Variants in ZNF727 observed in about 807,000 individuals in gnomAD.
The protein encoded by ZNF727 is zinc finger protein 727, also known as putative zinc finger protein 727.
ZNF727 carries 11 observed loss-of-function variants against 11.5 expected under a neutral mutation model. That is an observed-to-expected ratio of 0.95 (90% confidence interval 0.60 to 1.58). ZNF727 has a LOEUF of 1.58. Ranked by LOEUF, ZNF727 falls within the 40% of genes most tolerant of loss-of-function variation. ZNF727 has a pLI of 0.00. For synonymous variants in ZNF727, 171 were observed against 196.1 expected (o/e 0.87, Z 1.07); for missense variants, 533 against 581.7 (o/e 0.92, Z 0.86).
In ZNF727 at chr7:64,053,106, T is replaced by C. The variant is rs574594187; in HGVS notation, c.3+7482T>C. Among the ~76,000 whole-genome samples the C allele has an allele frequency of 6.6e-5, 10 of 152,164 alleles. No homozygotes were observed. The South Asian group carries it at 2.1e-3, about 32-fold the overall frequency. On this transcript the variant is annotated intron_variant, in intron 1 of 3. Coordinates refer to ENST00000456806, the MANE Select transcript of ZNF727 (RefSeq NM_001159522.3). ...CTGGGAGACTGTTGAGAAGGCATGA[T>C]TGATTATGAAATGTGAAGATACGAG...
chr7:64,067,612 T>A (rs1201154405), intron 1 of ZNF727, among the ~76,000 whole-genome samples: 1 of 152,110 alleles, frequency 6.6e-6, no homozygotes, highest in Non-Finnish European at 1.5e-5. Context: ...CTGGAAACCA[T>A]CATTCTCAGC....
Position 64,084,590 on chromosome 7 carries a change from A to G in ZNF727, c.*6041A>G, listed in dbSNP as rs1785844904. Among the ~76,000 whole-genome samples the G allele has an allele frequency of 6.6e-6, 1 of 152,148 alleles. No individual in the cohort carries two copies. The highest frequency in any genetic ancestry group is 1.5e-5 in the Non-Finnish European group (1 of 67,992). The stretch of plus-strand genomic sequence containing the variant: ...TAACATTTTTGTTTTTCTTGTAACT[A>G]CAGGTTATTATGATGTTTGTAATGA... On this transcript the variant is annotated 3_prime_UTR_variant, in exon 4 of 4. Transcript: ENST00000456806.
chr7:64,067,384 TG>T (rs1789886662), intron 1 of ZNF727, among the ~76,000 whole-genome samples: 1 of 152,140 alleles, frequency 6.6e-6, no homozygotes, highest in Non-Finnish European at 1.5e-5. Flanking sequence ...ATCCCGTAAC[TG>T]GGTATATACC....
At chr7:64,054,985 G>A (rs1789659820) in intron 1 of ZNF727, among the ~76,000 whole-genome samples, 1 of 151,896 alleles carries the variant, frequency 6.6e-6, no homozygotes, top group African/African-American at 2.4e-5. Context: ...TCTCCTAGAT[G>A]TATTTATTGT....
At position 64,072,227 on chromosome 7, in the gene ZNF727, T is replaced by C. The variant is rs752747109; in HGVS notation, c.226+2618T>C. ...CTTGGGTCAGTTAGCTGATAGAATCTTTTTGGGTATGCAGTGGAGAGGGGT... is the reference window on the plus strand; with the variant it reads ...CTTGGGTCAGTTAGCTGATAGAATCCTTTTGGGTATGCAGTGGAGAGGGGT... On this transcript the variant is annotated intron_variant, in intron 3 of 3. Coordinates refer to ENST00000456806, the MANE Select transcript of ZNF727 (RefSeq NM_001159522.3). 1.7e-3 allele frequency among the ~76,000 whole-genome samples: 252 copies of C among 152,242 alleles called. 1 individual carries two copies. Among genetic ancestry groups the C allele is most frequent in the Middle Eastern group, 3.4e-3 (1 of 294 alleles).
chr7:64,078,146 G>T lies in ZNF727; in HGVS notation c.1097G>T (p.Arg366Ile). The T allele has an allele frequency of 6.3e-7, 1 of 1,598,100 alleles. No individual in the cohort carries two copies. Among genetic ancestry groups the T allele is most frequent in the Non-Finnish European group, 8.5e-7 (1 of 1,171,862 alleles). The change falls in exon 4 of 4, where the codon AGA becomes ATA. Residue 366 changes from arginine (R) to isoleucine (I), a missense_variant. Transcript: ENST00000456806. ...ISHKRIHMEL[R>I]PYKCEECGKT... ...CACAAGAGAATTCATATGGAATTGA[G>T]ACCTTACAAATGTGAAGAATGTGGC...
intron 1 of ZNF727, among the ~76,000 whole-genome samples, chr7:64,054,404 T>C (rs1789650483): frequency 6.6e-6 from 1 of 152,204 alleles, no homozygotes; most frequent in Non-Finnish European, 1.5e-5. Context: ...CAAGGCTCCC[T>C]ACAGGCACAT....
intron 1 of ZNF727, among the ~76,000 whole-genome samples, chr7:64,067,740 G>T (rs1024607775): frequency 2.6e-5 from 4 of 152,094 alleles, no homozygotes; most frequent in African/African-American, 7.2e-5. Flanking sequence ...CCTGTCAGGG[G>T]ATTGGGGGCA....
At chr7:64,050,909 A>C (rs567658259) in intron 1 of ZNF727, among the ~76,000 whole-genome samples, 29 of 152,262 alleles carry the variant, frequency 1.9e-4, no homozygotes, top group African/African-American at 6.3e-4. Flanking sequence ...ACCCACGTAA[A>C]TAGAAAACAT....
intron 1 of ZNF727, among the ~76,000 whole-genome samples, chr7:64,067,324 A>G (rs1789884571): frequency 6.6e-6 from 1 of 152,140 alleles, no homozygotes; most frequent in Admixed American, 6.5e-5. Context: ...ATTGTGGAGG[A>G]CAGTGTGGCA....
chr7:64,057,512 T>A (rs1328908135), intron 1 of ZNF727, among the ~76,000 whole-genome samples: 2 of 151,978 alleles, frequency 1.3e-5, no homozygotes, highest in East Asian at 3.9e-4. Flanking sequence ...GAATGATGAG[T>A]TACATGGACA....
At chr7:64,050,794 G>A (rs1383474901) in intron 1 of ZNF727, among the ~76,000 whole-genome samples, 1 of 151,758 alleles carries the variant, frequency 6.6e-6, no homozygotes, top group African/African-American at 2.4e-5. Context: ...GTGTGTGTGT[G>A]TGTGTGTGTG....
intron 1 of ZNF727, among the ~76,000 whole-genome samples, chr7:64,055,141 G>A (rs909694218): frequency 1.3e-5 from 2 of 151,888 alleles, no homozygotes; most frequent in African/African-American, 2.4e-5. Context: ...TACATAGGCC[G>A]GGTATGGTGG....
intron 1 of ZNF727, among the ~76,000 whole-genome samples, chr7:64,062,053 A>T (rs1245906670): frequency 1.3e-5 from 2 of 151,938 alleles, no homozygotes; most frequent in Non-Finnish European, 2.9e-5. Context: ...ATATCTTATT[A>T]TGCTGTCTAT....
chr7:64,067,496 A>G (rs1197108161), intron 1 of ZNF727, among the ~76,000 whole-genome samples: 1 of 152,198 alleles, frequency 6.6e-6, no homozygotes, highest in Admixed American at 6.5e-5. Flanking sequence ...CCAAATGCCC[A>G]TCAGTGATAG....
At chr7:64,050,810 G>A (rs868041099) in intron 1 of ZNF727, among the ~76,000 whole-genome samples, 14 of 122,984 alleles carry the variant, frequency 1.1e-4, no homozygotes, top group South Asian at 2.6e-4. Flanking sequence ...GTGTGTGTGT[G>A]TGTATGTATG....
In ZNF727 at chr7:64,078,694, C is replaced by T. The variant is rs1785734990; in HGVS notation, c.*145C>T. 2.4e-6 allele frequency: 3 copies of T among 1,242,838 alleles called. No individual in the cohort carries two copies. Among genetic ancestry groups the T allele is most frequent in the African/African-American group, 3.0e-5 (2 of 67,212 alleles). 77.0% of individuals were successfully genotyped at this position (1,242,838 alleles called of 1,614,324 possible). On this transcript the variant is annotated 3_prime_UTR_variant, in exon 4 of 4. Transcript: ENST00000456806. The stretch of plus-strand genomic sequence containing the variant: ...TGTGGCAAAGCCTTTATCCGCTCCT[C>T]AACCCTTACAAGCCACAAGAGAATT...
Position 64,080,234 on chromosome 7 carries a change from C to T in ZNF727, c.*1685C>T, listed in dbSNP as rs1458786772. ...GGGGAAATTCTCATGGATGGTATCC[C>T]GAAATATGTATTTCAAGTTGTTTTC... On this transcript the variant is annotated 3_prime_UTR_variant, in exon 4 of 4. Transcript: ENST00000456806. 1.3e-5 allele frequency among the ~76,000 whole-genome samples: 2 copies of T among 152,080 alleles called. No individual in the cohort carries two copies. Among genetic ancestry groups the T allele is most frequent in the African/African-American group, 2.4e-5 (1 of 41,418 alleles).
In ZNF727 at chr7:64,083,162, C is replaced by A. The variant is rs1330076143; in HGVS notation, c.*4613C>A. On this transcript the variant is annotated 3_prime_UTR_variant, in exon 4 of 4. Transcript: ENST00000456806. Reference sequence around the variant, plus strand: ...GAGGAGGAATGAGATTGGGGACCTGCTTTAACAGACAGTCTGGCCATGTCT... The same window carrying A: ...GAGGAGGAATGAGATTGGGGACCTGATTTAACAGACAGTCTGGCCATGTCT... 1.8e-4 allele frequency among the ~76,000 whole-genome samples: 28 copies of A among 152,216 alleles called. No individual in the cohort carries two copies. The highest frequency in any genetic ancestry group is 1.8e-3 in the Admixed American group (28 of 15,286).
Sources: allele counts gnomAD v4.1 joint callset (sites outside exome capture counted in the v4.1 genomes callset), GRCh38; gene constraint gnomAD v4.1.1; transcripts MANE v1.5; gene names NCBI Gene and HGNC (gene_info 2026-07-23, HGNC 2026-07-21).